ITIH2: variants seen among roughly 807,000 people sequenced by gnomAD.
ITIH2 encodes inter-alpha-trypsin inhibitor heavy chain 2.
Under a neutral mutation model 104.4 loss-of-function variants are expected in ITIH2, and 103 were observed. The observed-to-expected ratio is 0.99, with a 90% CI of 0.84 to 1.16. The LOEUF is 1.16. Among genes scored for constraint, ITIH2 ranks in the 50% most tolerant of loss-of-function variants. ITIH2 has a pLI of 0.00. For missense variants in ITIH2, 1,108 were observed against 1,162.4 expected (o/e 0.95, Z 0.68); for synonymous variants, 436 against 435.4 (o/e 1.00, Z -0.02).
Position 7,733,732 on chromosome 10 carries a change from G to A in ITIH2, c.1788-1190G>A, listed in dbSNP as rs189318697. On this transcript the variant is annotated intron_variant, in intron 14 of 20. Coordinates refer to ENST00000358415, the MANE Select transcript of ITIH2 (RefSeq NM_002216.3). ...ACCACCTGCATCAAAATTACACAGA[G>A]GTGTTTGATAAAAGTTCCCATTCCC... 1.9e-3 allele frequency among the ~76,000 whole-genome samples: 292 copies of A among 152,162 alleles called. 1 individual carries two copies. The highest frequency in any genetic ancestry group is 6.8e-3 in the African/African-American group (282 of 41,502).
intron 9 of ITIH2, among the ~76,000 whole-genome samples, chr10:7,724,329 G>A (rs1297293708): frequency 1.3e-5 from 2 of 152,088 alleles, no homozygotes; most frequent in African/African-American, 4.8e-5. Flanking sequence ...CCAGTACTTT[G>A]GGAGGCCAAG....
intron 16 of ITIH2, 47 bp from the exon 17 acceptor site, chr10:7,743,099 T>A: frequency 2.2e-6 from 2 of 898,136 alleles, no homozygotes; most frequent in Non-Finnish European, 3.6e-6. Context: ...CTCAAAATCA[T>A]CTTCCTTTTA....
chr10:7,743,926 T>C (rs1484145290), intron 17 of ITIH2, among the ~76,000 whole-genome samples, 156 bp from the exon 18 acceptor site: 2 of 152,110 alleles, frequency 1.3e-5, no homozygotes, highest in African/African-American at 4.8e-5. Flanking sequence ...TGTTATAAAA[T>C]GAGAATCACA....
chr10:7,737,674 ATATTTTCTATAT>A (rs200972753), intron 15 of ITIH2, among the ~76,000 whole-genome samples: 1,392 of 29,950 alleles, frequency 0.046, 195 homozygotes, highest in East Asian at 0.1. Flanking sequence ...ATTATATTCT[ATATTTTCTATAT>A]TATATTCTAT....
rs1375320373 is a variant in ITIH2 at position 7,717,794 on chromosome 10, C to A, written c.630+6C>A. 1.9e-6 allele frequency: 3 copies of A among 1,603,512 alleles called. No individual in the cohort carries two copies. The South Asian group carries it at 3.3e-5, about 18-fold the overall frequency. On this transcript the variant is annotated splice_donor_region_variant and intron_variant, in intron 6 of 20. Coordinates refer to ENST00000358415, the MANE Select transcript of ITIH2 (RefSeq NM_002216.3). ...GGCTGGCCAAACACTTAGAGGTAAG[C>A]CTGGATCTGTAGGGTGGGCAGTGAC...
In ITIH2 at chr10:7,738,481, G is replaced by A. The variant is rs575048974; in HGVS notation, c.1958-140G>A. ...CAGCAACATGACAGAGGGAGCCCGA[G>A]AGAACTCTGGAATAAAAACAGAGGA... On this transcript the variant is annotated intron_variant, in intron 15 of 20. Transcript: ENST00000358415. The A allele has an allele frequency of 1.0e-5, 9 of 891,906 alleles. No homozygotes were observed. The Admixed American group carries it at 2.0e-4, about 20-fold the overall frequency. 55.2% of individuals were successfully genotyped at this position (891,906 alleles called of 1,614,324 possible).
At position 7,745,106 on chromosome 10, in the gene ITIH2, G is replaced by A. The variant is rs182047236; in HGVS notation, c.2581+143G>A. 258 of 669,306 alleles carry A rather than the reference G, an allele frequency of 3.9e-4. 4 individuals carry two copies. The highest frequency in any genetic ancestry group is 3.6e-3 in the African/African-American group (197 of 54,556). The allele number at this position is 669,306 out of a possible 1,614,324, so 41.5% of individuals were successfully genotyped here. ...CTAACATAGCAGTGTGGGGTCGCTC[G>A]GGAATGTGACAGCCAGGACCTTTTG... On this transcript the variant is annotated intron_variant, in intron 19 of 20. Coordinates refer to ENST00000358415, the MANE Select transcript of ITIH2 (RefSeq NM_002216.3).
At chr10:7,721,535 G>A (rs902267151) in intron 7 of ITIH2, 114 bp from the exon 8 acceptor site, 11 of 920,328 alleles carry the variant, frequency 1.2e-5, no homozygotes, top group Non-Finnish European at 1.8e-5. Context: ...CGATATCGCG[G>A]GGATTCAGAA....
At chr10:7,724,853 T>C (rs1160551442) in intron 9 of ITIH2, among the ~76,000 whole-genome samples, 1 of 152,126 alleles carries the variant, frequency 6.6e-6, no homozygotes, top group Non-Finnish European at 1.5e-5. Flanking sequence ...CATTGCCAAA[T>C]GTCCGCTGGG....
chr10:7,721,060 G>C (rs1040835548), intron 7 of ITIH2, 97 bp downstream of exon 7: 1 of 802,958 alleles, frequency 1.2e-6, no homozygotes. Flanking sequence ...AAGCAGGCTG[G>C]TGTTGAGGAC....
chr10:7,721,991 C>T (rs1166743054), intron 8 of ITIH2, among the ~76,000 whole-genome samples: 4 of 151,884 alleles, frequency 2.6e-5, no homozygotes, highest in Non-Finnish European at 4.4e-5. Flanking sequence ...TGCTCTTGTC[C>T]CAGGAGGGCA....
intron 6 of ITIH2, among the ~76,000 whole-genome samples, chr10:7,720,381 G>T (rs1834890231): frequency 6.6e-6 from 1 of 152,118 alleles, no homozygotes; most frequent in African/African-American, 2.4e-5. Flanking sequence ...ACTGTGGTTT[G>T]GTCAAGAATC....
chr10:7,730,128 C>A lies in ITIH2; in HGVS notation c.1456C>A (p.Leu486Ile), dbSNP rs750664149. 2 of 1,589,106 alleles carry A rather than the reference C, an allele frequency of 1.3e-6. No individual in the cohort carries two copies. The highest frequency in any genetic ancestry group is 1.7e-6 in the Non-Finnish European group (2 of 1,169,976). ...IYGNQDTSSQ[L>I]KKFYNQVSTP... ...TGGAAACCAGGACACGTCTTCCCAG[C>A]TTAAGGTAACATTTTCTTCTGTTCT... The change falls in exon 12 of 21, where the codon CTT becomes ATT. Residue 486 changes from leucine (L) to isoleucine (I), a missense_variant. Physicochemically the swap from Leu to Ile is conservative, Grantham distance 5 (BLOSUM62 2). Transcript: ENST00000358415.
At chr10:7,706,713 T>A (rs1834750718) in intron 2 of ITIH2, among the ~76,000 whole-genome samples, 1 of 152,064 alleles carries the variant, frequency 6.6e-6, no homozygotes, top group South Asian at 2.1e-4. Flanking sequence ...GTGTTAGAGA[T>A]TTTCACTGGA....
chr10:7,709,394 G>A (rs1834775799), intron 4 of ITIH2, among the ~76,000 whole-genome samples: 1 of 152,126 alleles, frequency 6.6e-6, no homozygotes, highest in Non-Finnish European at 1.5e-5. Context: ...TTTCTAATAA[G>A]CTAAAGCAAA....
chr10:7,707,557 G>T (rs12261544), intron 3 of ITIH2, among the ~76,000 whole-genome samples: 4,082 of 151,752 alleles, frequency 0.027, 173 homozygotes, highest in African/African-American at 0.088. Context: ...TTATTTTTAC[G>T]TTTTCATTTT....
intron 20 of ITIH2, among the ~76,000 whole-genome samples, chr10:7,748,839 C>A (rs748759905): frequency 4.6e-5 from 7 of 152,054 alleles, no homozygotes; most frequent in Non-Finnish European, 7.3e-5. Flanking sequence ...AGCCACCATG[C>A]CTGGCTGCTG....
At chr10:7,719,077 G>A (rs1209562576) in intron 6 of ITIH2, among the ~76,000 whole-genome samples, 2 of 152,186 alleles carry the variant, frequency 1.3e-5, no homozygotes, top group African/African-American at 2.4e-5. Context: ...CCCTCCCCCG[G>A]CAGATGGGAG....
At chr10:7,727,950 T>C (rs901496923) in intron 11 of ITIH2, 122 bp downstream of exon 11, 41 of 1,172,518 alleles carry the variant, frequency 3.5e-5, no homozygotes, top group Middle Eastern at 1.9e-4. Context: ...TTTAAACCCA[T>C]GCTTCCTAAA....
Sources: gnomAD v4.1 joint callset for allele counts (sites outside exome capture counted in the v4.1 genomes callset) on GRCh38, gnomAD v4.1.1 for gene constraint, MANE v1.5 for transcripts, NCBI Gene and HGNC (gene_info 2026-07-23, HGNC 2026-07-21) for gene names.